ROBO2: variants seen among roughly 807,000 people sequenced by gnomAD.
ROBO2 encodes roundabout homolog 2.
In ROBO2, 53 loss-of-function variants were observed where a neutral mutation model predicts 160.8. That is an observed-to-expected ratio of 0.33 (90% CI 0.26 to 0.41). The LOEUF is 0.41. Among genes scored for constraint, ROBO2 ranks in the 10% least tolerant of loss-of-function variants. The pLI, the probability that ROBO2 is intolerant of heterozygous loss-of-function variation, is 1.00. For synonymous variants in ROBO2, 664 were observed against 611.7 expected (o/e 1.09, Z -1.26); for missense variants, 1,577 against 1,722.4 (o/e 0.92, Z 1.49).
chr3:76,261,440 T>C (rs1054423309), intron 2 of ROBO2, among the ~76,000 whole-genome samples: 1 of 151,962 alleles, frequency 6.6e-6, no homozygotes, highest in East Asian at 1.9e-4. Flanking sequence ...TGCCATTTTT[T>C]TGGGGGGGAA....
intron 7 of ROBO2, among the ~76,000 whole-genome samples, chr3:77,546,741 G>A (rs948962351): frequency 1.4e-4 from 21 of 152,034 alleles, no homozygotes; most frequent in Admixed American, 1.1e-3. Flanking sequence ...AACCTCTGTA[G>A]CTATTTAAAA....
chr3:77,536,461 C>T (rs913925609), intron 6 of ROBO2, among the ~76,000 whole-genome samples: 3 of 151,166 alleles, frequency 2.0e-5, no homozygotes, highest in African/African-American at 4.9e-5. Context: ...CTTTTTCTTC[C>T]TCTCTCTCTT....
intron 23 of ROBO2, chr3:77,629,227 C>T (rs147745695): frequency 1.7e-3 from 254 of 152,214 alleles, no homozygotes; most frequent in Middle Eastern, 6.8e-3. Context: ...TTATCTGAGG[C>T]GGAAAGTTAG....
chr3:77,292,198 G>C (rs1260049195), intron 2 of ROBO2, among the ~76,000 whole-genome samples: 6 of 151,592 alleles, frequency 4.0e-5, no homozygotes, highest in Non-Finnish European at 7.4e-5. Context: ...AAGTAAAATT[G>C]ATGGTTAAAC....
intron 2 of ROBO2, among the ~76,000 whole-genome samples, chr3:76,681,664 C>G (rs1264888391): frequency 6.6e-6 from 1 of 152,034 alleles, no homozygotes; most frequent in Non-Finnish European, 1.5e-5. Flanking sequence ...GTGCAAAGAC[C>G]CTGGAGCAGA....
Position 77,198,344 on chromosome 3 carries a change from T to C in ROBO2, c.388+100004T>C, listed in dbSNP as rs553874668. On this transcript the variant is annotated intron_variant, in intron 2 of 25. Coordinates refer to ENST00000461745, the Ensembl canonical transcript of ROBO2. ...CTCAAGGATGAGAAAGACTCAGTCT[T>C]ATAAAGACCTAGGGGAAGGAAATTT... Among the ~76,000 whole-genome samples the C allele has an allele frequency of 7.8e-4, 118 of 152,210 alleles. No individual in the cohort carries two copies. In the South Asian group the frequency reaches 0.014, roughly 18 times the overall value.
At chr3:76,516,578 G>T (rs1276475947) in intron 2 of ROBO2, among the ~76,000 whole-genome samples, 1 of 152,104 alleles carries the variant, frequency 6.6e-6, no homozygotes, top group Non-Finnish European at 1.5e-5. Context: ...AAATTTACCA[G>T]TGTTCTCTTG....
chr3:77,295,143 TA>T (rs1189016648), intron 2 of ROBO2, among the ~76,000 whole-genome samples: 1,925 of 144,000 alleles, frequency 0.013, 41 homozygotes, highest in African/African-American at 0.049. Flanking sequence ...AGATATAAAG[TA>T]AAATTGACGG....
At chr3:76,397,141 A>G (rs1199574909) in intron 2 of ROBO2, among the ~76,000 whole-genome samples, 1 of 152,196 alleles carries the variant, frequency 6.6e-6, no homozygotes, top group Admixed American at 6.5e-5. Context: ...GATCAATGGA[A>G]CAGAACAGAG....
intron 2 of ROBO2, among the ~76,000 whole-genome samples, chr3:76,657,397 C>T (rs572526857): frequency 6.6e-6 from 1 of 150,736 alleles, no homozygotes; most frequent in African/African-American, 2.4e-5. Context: ...TGCACTCCAG[C>T]CTGGGCCACA....
chr3:76,289,024 C>G (rs1362933568), intron 2 of ROBO2, among the ~76,000 whole-genome samples: 1 of 152,122 alleles, frequency 6.6e-6, no homozygotes, highest in Non-Finnish European at 1.5e-5. Flanking sequence ...AACAGAATTG[C>G]TGGGTAAAAT....
At chr3:76,265,262 CA>C (rs1194340467) in intron 2 of ROBO2, among the ~76,000 whole-genome samples, 3 of 152,116 alleles carry the variant, frequency 2.0e-5, no homozygotes, top group Admixed American at 1.3e-4. Context: ...GGATCTAATA[CA>C]AAACACTCAT....
intron 2 of ROBO2, among the ~76,000 whole-genome samples, chr3:76,991,503 G>A (rs1578100961): frequency 6.6e-6 from 1 of 152,166 alleles, no homozygotes; most frequent in East Asian, 1.9e-4. Flanking sequence ...CTCTGTGCTT[G>A]TGCAAGGGAG....
At chr3:76,747,017 G>A (rs967681026) in intron 2 of ROBO2, among the ~76,000 whole-genome samples, 1 of 152,076 alleles carries the variant, frequency 6.6e-6, no homozygotes, top group African/African-American at 2.4e-5. Context: ...ATTCCATGGT[G>A]TATATGTACC....
At chr3:77,400,861 A>G (rs566120038) in intron 2 of ROBO2, among the ~76,000 whole-genome samples, 1 of 152,256 alleles carries the variant, frequency 6.6e-6, no homozygotes, top group Non-Finnish European at 1.5e-5. Context: ...TGAGTGGCAA[A>G]GTTTAATTAC....
At chr3:77,202,678 A>G (rs893991002) in intron 2 of ROBO2, among the ~76,000 whole-genome samples, 1 of 151,760 alleles carries the variant, frequency 6.6e-6, no homozygotes, top group Admixed American at 6.6e-5. Flanking sequence ...TCCTTCCTCT[A>G]TTCTCTCTTT....
intron 2 of ROBO2, among the ~76,000 whole-genome samples, chr3:76,271,426 A>T (rs1375485337): frequency 6.6e-6 from 1 of 151,292 alleles, no homozygotes. Flanking sequence ...CAGGGAAAGT[A>T]TGTGATCCCA....
intron 2 of ROBO2, among the ~76,000 whole-genome samples, chr3:77,310,045 G>T (rs535409232): frequency 2.0e-5 from 3 of 152,094 alleles, no homozygotes; most frequent in Non-Finnish European, 4.4e-5. Context: ...TTCTATGTAC[G>T]GTCTAACATG....
intron 2 of ROBO2, among the ~76,000 whole-genome samples, chr3:76,063,938 G>C (rs2068154118): frequency 6.6e-6 from 1 of 152,134 alleles, no homozygotes; most frequent in South Asian, 2.1e-4. Flanking sequence ...TCTAGCTTTA[G>C]AGAAGTAAGC....
Sources: allele counts gnomAD v4.1 joint callset (sites outside exome capture counted in the v4.1 genomes callset), GRCh38; gene constraint gnomAD v4.1.1; transcripts MANE v1.5; gene names NCBI Gene and HGNC (gene_info 2026-07-23, HGNC 2026-07-21).